SPAG17: variants seen among roughly 807,000 people sequenced by gnomAD.
SPAG17 encodes sperm-associated antigen 17.
SPAG17 carries 169 observed loss-of-function variants against 273.6 expected under a neutral mutation model. That is an observed-to-expected ratio of 0.62 (90% CI 0.55 to 0.70). The LOEUF is 0.70. SPAG17 is among the 30% of genes least tolerant of loss of function. SPAG17 has a pLI of 0.00. For synonymous variants in SPAG17, 825 were observed against 873.2 expected, an observed-to-expected ratio of 0.94 and a Z score of 0.97; for missense variants, 2,557 against 2,627.8, an observed-to-expected ratio of 0.97 and a Z score of 0.59.
At chr1:118,182,515 A>G (rs1228780745) in intron 1 of SPAG17, among the ~76,000 whole-genome samples, 1 of 152,194 alleles carries the variant, frequency 6.6e-6, no homozygotes, top group African/African-American at 2.4e-5. Flanking sequence ...TCTTATTGCC[A>G]ATGTACCTAT....
chr1:118,024,918 C>A (rs1014261310), intron 27 of SPAG17, among the ~76,000 whole-genome samples: 4 of 151,994 alleles, frequency 2.6e-5, no homozygotes, highest in East Asian at 1.9e-4. Flanking sequence ...TGATGACATG[C>A]CTTGTTGTCC....
chr1:118,014,046 A>G (rs561197780), intron 29 of SPAG17, among the ~76,000 whole-genome samples: 1 of 152,178 alleles, frequency 6.6e-6, no homozygotes, highest in East Asian at 1.9e-4. Context: ...ATTTTGTTTC[A>G]TATGCCAGTT....
intron 3 of SPAG17, among the ~76,000 whole-genome samples, chr1:118,139,743 A>T (rs1298291739): frequency 6.6e-6 from 1 of 151,092 alleles, no homozygotes; most frequent in Admixed American, 6.6e-5. Flanking sequence ...GGAATCTAAA[A>T]ATCAAACTCA....
At chr1:118,178,918 T>G in intron 1 of SPAG17, among the ~76,000 whole-genome samples, 1 of 151,710 alleles carries the variant, frequency 6.6e-6, no homozygotes, top group East Asian at 1.9e-4. Flanking sequence ...TCTATACAAG[T>G]AAAACTAGAA....
intron 20 of SPAG17, among the ~76,000 whole-genome samples, chr1:118,052,612 C>T (rs1054212180): frequency 1.2e-4 from 18 of 151,812 alleles, no homozygotes; most frequent in African/African-American, 4.1e-4. Context: ...TTTGATTTAG[C>T]CATTTTATAA....
chr1:117,987,763 G>T lies in SPAG17; in HGVS notation c.5669+71C>A, dbSNP rs552400401. The T allele has an allele frequency of 2.1e-5, 31 of 1,484,978 alleles. No homozygotes were observed. The East Asian group carries it at 6.8e-4, about 33-fold the overall frequency. 92.0% of individuals were successfully genotyped at this position (1,484,978 alleles called of 1,614,324 possible). A position where few individuals can be genotyped will look rare whatever the true frequency, so the allele number is the denominator to read the frequency against. The stretch of plus-strand genomic sequence containing the variant: ...ATCTGGGTGCCTGGCAGGACATTTT[G>T]GCCTATCCCATTCTCAGTCTATTAC... On this transcript the variant is annotated intron_variant, in intron 40 of 48. Transcript: ENST00000336338.
intron 17 of SPAG17, 28 bp from the exon 18 acceptor site, chr1:118,066,927 A>T: frequency 1.9e-6 from 3 of 1,580,676 alleles, no homozygotes; most frequent in Non-Finnish European, 2.6e-6. Context: ...TGCATTGTAG[A>T]ATCTTTTTTA....
Position 118,150,565 on chromosome 1 carries a change from C to A in SPAG17, c.293G>T (p.Gly98Val), listed in dbSNP as rs747684397. ...TACCTCATAATATAAAGGAGCATTA[C>A]CACCTACAGGTTTTTTTGCCTTTTT... ...SSKKAKKPVG[G>V]NAPLYYEVLT... The change falls in exon 3 of 49, where the codon GGT (glycine) becomes GTT (valine). Residue 98 changes from glycine to valine, a missense_variant. Physicochemically the swap from Gly to Val is moderately radical, Grantham distance 109. Coordinates refer to ENST00000336338, the MANE Select transcript of SPAG17 (RefSeq NM_206996.4). The A allele has an allele frequency of 6.3e-6, 10 of 1,576,724 alleles. No homozygotes were observed. In the South Asian group the frequency reaches 9.1e-5, roughly 14 times the overall value.
chr1:118,094,418 T>C (rs189166552), intron 7 of SPAG17, among the ~76,000 whole-genome samples: 1 of 152,308 alleles, frequency 6.6e-6, no homozygotes, highest in East Asian at 1.9e-4. Flanking sequence ...ACAGTTATCA[T>C]GCATTGAAGG....
chr1:118,167,416 T>G (rs141546919), intron 1 of SPAG17, among the ~76,000 whole-genome samples: 1 of 152,138 alleles, frequency 6.6e-6, no homozygotes, highest in Non-Finnish European at 1.5e-5. Context: ...TTGTGACTGA[T>G]TTTTTCTTTT....
chr1:118,168,873 C>G (rs1335509773), intron 1 of SPAG17, among the ~76,000 whole-genome samples: 1 of 152,096 alleles, frequency 6.6e-6, no homozygotes, highest in Non-Finnish European at 1.5e-5. Flanking sequence ...GGCCAGGAAA[C>G]TGCATGGGTA....
chr1:117,964,181 A>G (rs1376362424), intron 47 of SPAG17: 2 of 332,664 alleles, frequency 6.0e-6, no homozygotes, highest in Admixed American at 4.1e-5. Flanking sequence ...CTGGCTTTCT[A>G]TAAGGAGCCA....
intron 17 of SPAG17, among the ~76,000 whole-genome samples, chr1:118,070,583 G>A (rs1262862884): frequency 3.9e-5 from 6 of 152,148 alleles, no homozygotes; most frequent in African/African-American, 1.2e-4. Flanking sequence ...GCCTAAATCA[G>A]CACTGCTCAA....
intron 24 of SPAG17, among the ~76,000 whole-genome samples, chr1:118,033,407 C>A (rs1220483374): frequency 6.6e-6 from 1 of 152,152 alleles, no homozygotes; most frequent in East Asian, 1.9e-4. Context: ...TTTGACTCAT[C>A]CTACACATCC....
chr1:118,105,888 G>A (rs2102232179), intron 4 of SPAG17, among the ~76,000 whole-genome samples: 1 of 152,212 alleles, frequency 6.6e-6, no homozygotes, highest in East Asian at 1.9e-4. Context: ...AAATCAGAGA[G>A]GCAGAGAATA....
intron 24 of SPAG17, among the ~76,000 whole-genome samples, chr1:118,036,433 ATATATGTGTG>A (rs1214657028): frequency 3.3e-5 from 5 of 152,130 alleles, no homozygotes; most frequent in African/African-American, 1.2e-4. Flanking sequence ...GATAACTGGT[ATATATGTGTG>A]TATATACATG....
intron 5 of SPAG17, among the ~76,000 whole-genome samples, chr1:118,101,008 T>A (rs1435905434): frequency 1.3e-5 from 2 of 152,200 alleles, no homozygotes; most frequent in Admixed American, 1.3e-4. Flanking sequence ...TGTCTGACTT[T>A]CCTATATGTG....
At chr1:118,095,222 T>TA (rs1437690164) in intron 7 of SPAG17, among the ~76,000 whole-genome samples, 1 of 152,244 alleles carries the variant, frequency 6.6e-6, no homozygotes, top group Admixed American at 6.5e-5. Context: ...AGCAGAGTGC[T>TA]AGAAATGGTG....
At chr1:118,079,840 T>C (rs996756129) in intron 15 of SPAG17, among the ~76,000 whole-genome samples, 8 of 152,200 alleles carry the variant, frequency 5.3e-5, no homozygotes, top group Non-Finnish European at 1.5e-5. Flanking sequence ...TCCCAATTTC[T>C]ATTGTAATTT....
Sources: allele counts gnomAD v4.1 joint callset (sites outside exome capture counted in the v4.1 genomes callset), GRCh38; gene constraint gnomAD v4.1.1; transcripts MANE v1.5; gene names NCBI Gene and HGNC (gene_info 2026-07-23, HGNC 2026-07-21).